CXCL13: variants seen among roughly 807,000 people sequenced by gnomAD.
The protein encoded by CXCL13 is C-X-C motif chemokine ligand 13.
CXCL13 carries 7 observed loss-of-function variants against 12.2 expected under a neutral mutation model. The ratio of observed to expected loss-of-function variants is 0.57; its 90% CI spans 0.33 to 1.07. The LOEUF is 1.07. Among genes scored for constraint, CXCL13 ranks in the 50% least tolerant of loss-of-function variants. The probability of loss-of-function intolerance (pLI) is 0.04; values close to 1 mark genes in which losing one functional copy is unlikely to be tolerated. For missense variants in CXCL13, 113 were observed against 127.4 expected (o/e 0.89, Z 0.55); for synonymous variants, 47 against 42.4 (o/e 1.11, Z -0.42).
intron 1 of CXCL13, among the ~76,000 whole-genome samples, chr4:77,543,708 G>A (rs1273185255): frequency 2.6e-5 from 4 of 151,632 alleles, no homozygotes; most frequent in Non-Finnish European, 4.4e-5. Flanking sequence ...ATTCCAATAT[G>A]GTCTGAGAAA....
At chr4:77,569,107 G>T (rs1434612464) in intron 1 of CXCL13, among the ~76,000 whole-genome samples, 4 of 152,150 alleles carry the variant, frequency 2.6e-5, no homozygotes, top group Non-Finnish European at 5.9e-5. Context: ...GGTACTGAAG[G>T]AACATACCTC....
chr4:77,539,255 C>T (rs547890951), intron 1 of CXCL13, among the ~76,000 whole-genome samples: 6 of 151,912 alleles, frequency 3.9e-5, no homozygotes, highest in Middle Eastern at 3.4e-3. Flanking sequence ...AGGGACTGGC[C>T]AATTAATTTT....
At position 77,600,255 on chromosome 4, in the gene CXCL13, G is replaced by C. The variant is rs1221382822; in HGVS notation, c.-42-5569G>C. On this transcript the variant is annotated intron_variant, in intron 1 of 4. Transcript: ENST00000286758. ...GAAGAGACACACACCCCTAGGGAGA[G>C]AGTACACAGTGAGAGGAGCGGAATA... Among the ~76,000 whole-genome samples, 3 of 152,074 alleles carry C rather than the reference G, an allele frequency of 2.0e-5. No individual in the cohort carries two copies. The East Asian group carries it at 5.8e-4, about 29-fold the overall frequency.
At chr4:77,540,047 T>A (rs189457176) in intron 1 of CXCL13, among the ~76,000 whole-genome samples, 1 of 152,174 alleles carries the variant, frequency 6.6e-6, no homozygotes, top group Non-Finnish European at 1.5e-5. Flanking sequence ...GAAATTAACT[T>A]CATATAATTA....
chr4:77,580,304 CTTTCTTTTTTT>C (rs1726290531), intron 1 of CXCL13, among the ~76,000 whole-genome samples: 1 of 8,010 alleles, frequency 1.2e-4, no homozygotes, highest in African/African-American at 3.9e-4. Context: ...GACAAGTTTT[CTTTCTTTTTTT>C]TTTTTTTTTT....
chr4:77,561,472 G>T (rs1725811637), intron 1 of CXCL13, among the ~76,000 whole-genome samples: 2 of 152,232 alleles, frequency 1.3e-5, no homozygotes, highest in Admixed American at 1.3e-4. Context: ...TCCTGAAGGT[G>T]CTATTTCTGT....
chr4:77,589,486 GTTACTA>G (rs1403225419), intron 1 of CXCL13, among the ~76,000 whole-genome samples: 2 of 151,568 alleles, frequency 1.3e-5, no homozygotes, highest in Non-Finnish European at 2.9e-5. Flanking sequence ...GTTCTGTTTT[GTTACTA>G]TTAATCTCTT....
chr4:77,540,431 C>T (rs931019551), intron 1 of CXCL13, among the ~76,000 whole-genome samples: 3 of 152,124 alleles, frequency 2.0e-5, no homozygotes, highest in Non-Finnish European at 4.4e-5. Flanking sequence ...CCTCCTTCCT[C>T]TAGTACTCCC....
chr4:77,582,867 T>G (rs1345806575), intron 1 of CXCL13, among the ~76,000 whole-genome samples: 2 of 152,064 alleles, frequency 1.3e-5, no homozygotes, highest in East Asian at 3.9e-4. Flanking sequence ...ATGTAGACAA[T>G]GAAATCAACA....
rs193123147 is a variant in CXCL13 at position 77,549,629 on chromosome 4, C to T, written c.-43+37841C>T. Among the ~76,000 whole-genome samples, 243 of 152,242 alleles carry T rather than the reference C, an allele frequency of 1.6e-3. 1 individual carries two copies. The highest frequency in any genetic ancestry group is 1.7e-3 in the Non-Finnish European group (118 of 68,018). On this transcript the variant is annotated intron_variant, in intron 1 of 4. Coordinates refer to the CXCL13 transcript ENST00000286758. Reference sequence around the variant, plus strand: ...GTTCTTTTGGAGTTTGCTGGAGGTCCACTTGAGCCCCTGTTTGCCTGGGTA... The same window carrying T: ...GTTCTTTTGGAGTTTGCTGGAGGTCTACTTGAGCCCCTGTTTGCCTGGGTA...
At chr4:77,606,730 C>T (rs1440895173) in intron 1 of CXCL13, among the ~76,000 whole-genome samples, 1 of 152,160 alleles carries the variant, frequency 6.6e-6, no homozygotes, top group Non-Finnish European at 1.5e-5. Context: ...AGATTTTGAG[C>T]GTAATACAAC....
At chr4:77,562,552 T>C (rs1167687664) in intron 1 of CXCL13, among the ~76,000 whole-genome samples, 1 of 152,090 alleles carries the variant, frequency 6.6e-6, no homozygotes, top group African/African-American at 2.4e-5. Flanking sequence ...GAAGAACTTT[T>C]ATTTCTAGCT....
At chr4:77,521,166 G>A (rs1724585399) in intron 1 of CXCL13, among the ~76,000 whole-genome samples, 1 of 152,196 alleles carries the variant, frequency 6.6e-6, no homozygotes. Flanking sequence ...AGGGATATTG[G>A]ACTAAAATTC....
In CXCL13 at chr4:77,544,888, T is replaced by C. The variant is rs542897090; in HGVS notation, c.-43+33100T>C. Among the ~76,000 whole-genome samples, 26 of 152,364 alleles carry C rather than the reference T, an allele frequency of 1.7e-4. No individual in the cohort carries two copies. In the South Asian group the frequency reaches 3.5e-3, roughly 21 times the overall value. On this transcript the variant is annotated intron_variant, in intron 1 of 4. Transcript: ENST00000286758. Reference sequence around the variant, plus strand: ...GGTTTTTATGGTTTTAGGTCTAACATGCAAGTCTTTAATCCATCTTGAATT... The same window carrying C: ...GGTTTTTATGGTTTTAGGTCTAACACGCAAGTCTTTAATCCATCTTGAATT...
intron 1 of CXCL13, among the ~76,000 whole-genome samples, chr4:77,538,668 G>A (rs1500499): frequency 0.02 from 3,075 of 152,186 alleles, 106 homozygotes; most frequent in African/African-American, 0.07. Flanking sequence ...GGTAGAAATG[G>A]CTACCTGGAT....
chr4:77,589,230 G>A (rs1279095316), intron 1 of CXCL13, among the ~76,000 whole-genome samples: 2 of 152,104 alleles, frequency 1.3e-5, no homozygotes, highest in Non-Finnish European at 2.9e-5. Context: ...GTTTTAAATT[G>A]TGCACTGTTC....
intron 1 of CXCL13, among the ~76,000 whole-genome samples, chr4:77,545,170 T>C (rs1725323634): frequency 1.3e-5 from 2 of 152,172 alleles, no homozygotes; most frequent in African/African-American, 4.8e-5. Context: ...TAGTTTGAAG[T>C]CAGGTAGGGT....
chr4:77,553,741 T>C (rs140402031), intron 1 of CXCL13, among the ~76,000 whole-genome samples: 2 of 152,216 alleles, frequency 1.3e-5, no homozygotes, highest in Non-Finnish European at 2.9e-5. Flanking sequence ...AAAGAGTTGA[T>C]CTTTGTGTAC....
At chr4:77,574,986 A>G (rs1293449325) in intron 1 of CXCL13, among the ~76,000 whole-genome samples, 2 of 152,012 alleles carry the variant, frequency 1.3e-5, no homozygotes, top group East Asian at 1.9e-4. Flanking sequence ...GTTTTGAATT[A>G]GAAAAGATAA....
Sources: allele counts gnomAD v4.1 joint callset (sites outside exome capture counted in the v4.1 genomes callset), GRCh38; gene constraint gnomAD v4.1.1; transcripts MANE v1.5; gene names NCBI Gene and HGNC (gene_info 2026-07-23, HGNC 2026-07-21).